The following ZDHHC2 variants were observed in gnomAD, a reference collection of about 807,000 sequenced individuals.
The protein encoded by ZDHHC2 is palmitoyltransferase ZDHHC2.
A neutral mutation model predicts 55.6 loss-of-function variants in ZDHHC2; 51 were observed. The ratio of observed to expected loss-of-function variants is 0.92; its 90% confidence interval spans 0.73 to 1.16. ZDHHC2 has a LOEUF of 1.16. ZDHHC2 is among the 50% of genes most tolerant of loss of function. The pLI, the probability that ZDHHC2 is intolerant of heterozygous loss-of-function variation, is 0.00. For synonymous variants in ZDHHC2, 199 were observed against 152.9 expected (o/e 1.30, Z -2.22); for missense variants, 491 against 442.4 (o/e 1.11, Z -0.99).
chr8:17,214,447 C>T (rs2150948995), intron 10 of ZDHHC2, among the ~76,000 whole-genome samples: 1 of 152,288 alleles, frequency 6.6e-6, no homozygotes, highest in Middle Eastern at 3.4e-3. Flanking sequence ...ATTTTTTCCT[C>T]AACTTTGTCT....
chr8:17,214,302 G>A (rs149774977), intron 10 of ZDHHC2, among the ~76,000 whole-genome samples: 23 of 152,288 alleles, frequency 1.5e-4, no homozygotes, highest in Admixed American at 2.0e-4. Context: ...CATTGGGTTT[G>A]TAAGACCTGA....
chr8:17,201,256 C>T (rs532794419), intron 6 of ZDHHC2, among the ~76,000 whole-genome samples: 1 of 151,886 alleles, frequency 6.6e-6, no homozygotes, highest in African/African-American at 2.4e-5. Context: ...GCCTATAAAC[C>T]CCCTTGTTAT....
At chr8:17,203,808 T>C (rs1233443556) in intron 6 of ZDHHC2, among the ~76,000 whole-genome samples, 2 of 100,958 alleles carry the variant, frequency 2.0e-5, no homozygotes, top group Non-Finnish European at 4.3e-5. Context: ...TTCTTTTTTT[T>C]CTTTTTTTTT....
intron 1 of ZDHHC2, among the ~76,000 whole-genome samples, chr8:17,157,091 C>G (rs906554301): frequency 6.6e-6 from 1 of 152,096 alleles, no homozygotes; most frequent in African/African-American, 2.4e-5. Context: ...CCGCACTCGC[C>G]GCCGAGCCTC....
At chr8:17,182,060 A>G (rs896313248) in intron 1 of ZDHHC2, among the ~76,000 whole-genome samples, 1 of 152,184 alleles carries the variant, frequency 6.6e-6, no homozygotes, top group Non-Finnish European at 1.5e-5. Flanking sequence ...AAGAACATTC[A>G]TTTCCTGAGT....
intron 6 of ZDHHC2, among the ~76,000 whole-genome samples, chr8:17,199,610 TTC>T (rs1336441785): frequency 1.4e-3 from 30 of 20,804 alleles, no homozygotes; most frequent in African/African-American, 3.0e-3. Context: ...TTATTCTTTC[TTC>T]TTCTTCTTCT....
At chr8:17,209,575 G>T (rs2904678) in intron 8 of ZDHHC2, among the ~76,000 whole-genome samples, 1 of 152,306 alleles carries the variant, frequency 6.6e-6, no homozygotes, top group African/African-American at 2.4e-5. Flanking sequence ...AAAAATACAC[G>T]TGTAGATTTG....
At chr8:17,167,945 C>T (rs1353468967) in intron 1 of ZDHHC2, among the ~76,000 whole-genome samples, 1 of 152,090 alleles carries the variant, frequency 6.6e-6, no homozygotes, top group African/African-American at 2.4e-5. Flanking sequence ...TTAACCCCCA[C>T]CCGCCCTTAA....
At chr8:17,219,068 G>A (rs1371477040) in intron 12 of ZDHHC2, among the ~76,000 whole-genome samples, 1 of 151,676 alleles carries the variant, frequency 6.6e-6, no homozygotes, top group African/African-American at 2.4e-5. Context: ...TAACCAACAA[G>A]GTGAAACCCC....
At chr8:17,169,377 C>G (rs1804748571) in intron 1 of ZDHHC2, among the ~76,000 whole-genome samples, 1 of 152,008 alleles carries the variant, frequency 6.6e-6, no homozygotes, top group Non-Finnish European at 1.5e-5. Flanking sequence ...TGCTGGTCAT[C>G]GGGCATGCCC....
At position 17,221,757 on chromosome 8, in the gene ZDHHC2, G is replaced by A. The variant is rs1157804390; in HGVS notation, c.*1536G>A. 6.6e-6 allele frequency: 1 copy of A among 152,422 alleles called. No individual in the cohort carries two copies. Among genetic ancestry groups the A allele is most frequent in the African/African-American group, 2.4e-5 (1 of 41,424 alleles). The allele number at this position is 152,422 out of a possible 1,614,324, so 9.4% of individuals were successfully genotyped here. On this transcript the variant is annotated 3_prime_UTR_variant, in exon 13 of 13. Transcript: ENST00000262096. ...AATTCTTTGAACAATAGAAATATCT[G>A]CAGTCTTTCACAGATTTGTATTATG...
Position 17,195,631 on chromosome 8 carries a change from G to A in ZDHHC2, c.373+7G>A, listed in dbSNP as rs1284259761. The A allele has an allele frequency of 8.1e-6, 13 of 1,613,688 alleles. No individual in the cohort carries two copies. In the East Asian group the frequency reaches 2.2e-4, roughly 28 times the overall value. On this transcript the variant is annotated splice_region_variant and intron_variant, in intron 4 of 12. Coordinates refer to ENST00000262096, the MANE Select transcript of ZDHHC2 (RefSeq NM_016353.5). ...ACCAGGACCATGTCTGGAGGTAAAT[G>A]TTGATAATGAGTGCTTTGCAATGGT... is the stretch of plus-strand genomic sequence containing the variant.
chr8:17,193,864 A>T (rs759902391), intron 3 of ZDHHC2, among the ~76,000 whole-genome samples: 2 of 152,064 alleles, frequency 1.3e-5, no homozygotes, highest in African/African-American at 2.4e-5. Flanking sequence ...GATTTGCTGC[A>T]CCCATCAACC....
chr8:17,170,104 C>T (rs549662272), intron 1 of ZDHHC2, among the ~76,000 whole-genome samples: 23 of 152,040 alleles, frequency 1.5e-4, no homozygotes, highest in Non-Finnish European at 2.8e-4. Context: ...CAGTGTTGGG[C>T]GAGAGTATGA....
chr8:17,214,616 C>T (rs995737614), intron 10 of ZDHHC2, among the ~76,000 whole-genome samples: 2 of 152,066 alleles, frequency 1.3e-5, no homozygotes, highest in African/African-American at 4.8e-5. Flanking sequence ...TAGAATATAA[C>T]TTTAAAAATA....
intron 3 of ZDHHC2, 25 bp from the exon 4 acceptor site, chr8:17,195,479 A>C: frequency 6.3e-7 from 1 of 1,598,026 alleles, no homozygotes; most frequent in South Asian, 1.1e-5. Context: ...GAAAATACTG[A>C]TTAAGATTTA....
intron 11 of ZDHHC2, among the ~76,000 whole-genome samples, chr8:17,216,157 A>C (rs182132233): frequency 6.6e-6 from 1 of 152,238 alleles, no homozygotes; most frequent in African/African-American, 2.4e-5. Flanking sequence ...CTTCAGATTG[A>C]CTACTAACCT....
At chr8:17,193,465 G>A (rs1806140756) in intron 3 of ZDHHC2, among the ~76,000 whole-genome samples, 1 of 152,222 alleles carries the variant, frequency 6.6e-6, no homozygotes, top group Non-Finnish European at 1.5e-5. Context: ...AACACCACTG[G>A]GACTGTGCTC....
In ZDHHC2 at chr8:17,208,020, A is replaced by T. The variant is rs752621440; in HGVS notation, c.658A>T (p.Met220Leu). 3.8e-6 allele frequency: 6 copies of T among 1,596,484 alleles called. No homozygotes were observed. The East Asian group carries it at 6.8e-5, about 18-fold the overall frequency. The change falls in exon 8 of 13, where the codon ATG (methionine) becomes TTG (leucine). Residue 220 changes from methionine to leucine, a missense_variant. Met to Leu is a conservative substitution (Grantham distance 15). Coordinates refer to ENST00000262096, the MANE Select transcript of ZDHHC2 (RefSeq NM_016353.5). ...TATGTTTTTATTCTTTGCTGCAGCTATGTTTTCTGTCAGCTTGTCTTCTCT... is the reference window on the plus strand; with the variant it reads ...TATGTTTTTATTCTTTGCTGCAGCTTTGTTTTCTGTCAGCTTGTCTTCTCT... ...HIMFLFFAAA[M>L]FSVSLSSLFG...
Sources: gnomAD v4.1 joint callset for allele counts (sites outside exome capture counted in the v4.1 genomes callset) on GRCh38, gnomAD v4.1.1 for gene constraint, MANE v1.5 for transcripts, NCBI Gene and HGNC (gene_info 2026-07-23, HGNC 2026-07-21) for gene names.